PZP: variants seen among roughly 807,000 people sequenced by gnomAD.
PZP encodes the protein PZP alpha-2-macroglobulin like, also known as pregnancy zone protein.
PZP carries 150 observed loss-of-function variants against 179.8 expected under a neutral mutation model. The observed-to-expected ratio is 0.83, with a 90% CI of 0.73 to 0.96. PZP has a LOEUF of 0.96. PZP is among the 40% of genes least tolerant of loss of function. The pLI is 0.00. For synonymous variants in PZP, 624 were observed against 652.3 expected (o/e 0.96, Z 0.66); for missense variants, 1,689 against 1,764.0 (o/e 0.96, Z 0.76).
At chr12:9,186,395 C>T (rs546617853) in intron 13 of PZP, among the ~76,000 whole-genome samples, 32 of 152,114 alleles carry the variant, frequency 2.1e-4, no homozygotes, top group Non-Finnish European at 2.8e-4. Context: ...TTCAAATTCA[C>T]GCATCTCAAT....
At chr12:9,208,144 A>G (rs1944534223) in intron 1 of PZP, 115 bp downstream of exon 1, 2 of 696,048 alleles carry the variant, frequency 2.9e-6, no homozygotes, top group Non-Finnish European at 2.5e-6. Flanking sequence ...AATTTCTTAT[A>G]TTTGGAAGGT....
intron 22 of PZP, chr12:9,162,140 T>G (rs1941251497): frequency 6.5e-6 from 1 of 153,744 alleles, no homozygotes. Flanking sequence ...TTTTGTTTTT[T>G]TCGTAGAGAC....
intron 1 of PZP, 111 bp downstream of exon 1, chr12:9,208,148 G>C (rs1944534404): frequency 4.2e-6 from 3 of 707,184 alleles, no homozygotes; most frequent in Admixed American, 4.8e-5. Flanking sequence ...TCTTATATTT[G>C]GAAGGTATTG....
rs1219343540 is a variant in PZP, at chr12:9,170,800, G to T, written c.1840-1209C>A. On this transcript the variant is annotated intron_variant, in intron 15 of 35. Transcript: ENST00000261336. The surrounding 1 kb of genome is among the most constrained non-coding windows in gnomAD (Gnocchi z 4.6). ...TCATCGAGTGGGACCTTTCTGTGGG[G>T]GCTTCAGGTACTCCAGCCAGGGTTC... Among the ~76,000 whole-genome samples, 2 of 152,156 alleles carry T rather than the reference G, an allele frequency of 1.3e-5. No individual in the cohort carries two copies. Among genetic ancestry groups the T allele is most frequent in the African/African-American group, 2.4e-5 (1 of 41,430 alleles).
chr12:9,152,554 G>A lies in PZP; in HGVS notation c.4122-244C>T, dbSNP rs766155968. Among the ~76,000 whole-genome samples the A allele has an allele frequency of 3.9e-5, 6 of 152,230 alleles. No homozygotes were observed. In the South Asian group the frequency reaches 1.0e-3, roughly 26 times the overall value. On this transcript the variant is annotated intron_variant, in intron 31 of 35. Transcript: ENST00000261336. ...CAAAACTATCAAATCAAAATCTTTG[G>A]TAGTGAATCTTGCTAATTGGCATTT...
chr12:9,197,527 TATTA>T (rs1188742625), intron 7 of PZP, among the ~76,000 whole-genome samples: 7 of 125,226 alleles, frequency 5.6e-5, no homozygotes, highest in East Asian at 2.1e-4. Context: ...TGAAAATAAT[TATTA>T]ATTATTAGAG....
intron 34 of PZP, among the ~76,000 whole-genome samples, chr12:9,150,313 C>T (rs147967662): frequency 8.0e-4 from 122 of 152,140 alleles, no homozygotes; most frequent in African/African-American, 2.7e-3. Flanking sequence ...GACGGAGTCT[C>T]GCACCGTCAC....
chr12:9,190,118 T>C (rs1015772338), intron 13 of PZP, among the ~76,000 whole-genome samples: 4 of 152,088 alleles, frequency 2.6e-5, no homozygotes, highest in Admixed American at 6.5e-5. Flanking sequence ...GAACTATCAT[T>C]TGACCCAAGA....
In PZP at chr12:9,157,307, C is replaced by T; in HGVS notation, c.3418G>A (p.Val1140Ile). 6.2e-7 allele frequency: 1 copy of T among 1,614,086 alleles called. No homozygotes were observed. The highest frequency in any genetic ancestry group is 8.5e-7 in the Non-Finnish European group (1 of 1,179,974). Residue 1140 changes from valine (V) to isoleucine (I), a missense_variant, in exon 28 of 36, where the codon GTA becomes ATA. Coordinates refer to ENST00000261336, the MANE Select transcript of PZP (RefSeq NM_002864.3). ...ALFCLESAWN[V>I]AKEGTHGSHV... ...CTCCCATGGGTCCCCTCCTTTGCTA[C>T]ATTCCAGGCTGACTCCAGGCAGAAC... is the stretch of plus-strand genomic sequence containing the variant.
At chr12:9,157,716 C>T in intron 27 of PZP, 51 bp downstream of exon 27, 1 of 1,535,112 alleles carries the variant, frequency 6.5e-7, no homozygotes, top group Non-Finnish European at 9.0e-7. Flanking sequence ...GCATTCCAGA[C>T]AGCAAATCTA....
chr12:9,147,847 T>G (rs560191975), downstream of PZP, among the ~76,000 whole-genome samples: 43 of 152,322 alleles, frequency 2.8e-4, 2 homozygotes, highest in African/African-American at 9.6e-4. Flanking sequence ...AATGTTGCCT[T>G]TATGTATGAA....
rs930396582 is a variant in PZP at position 9,170,920 on chromosome 12, C to T, written c.1840-1329G>A. Among the ~76,000 whole-genome samples the T allele has an allele frequency of 2.6e-5, 4 of 152,206 alleles. No homozygotes were observed. The highest frequency in any genetic ancestry group is 5.9e-5 in the Non-Finnish European group (4 of 68,038). On this transcript the variant is annotated intron_variant, in intron 15 of 35. Transcript: ENST00000261336. This position sits in a 1 kb window ranked among gnomAD's most constrained non-coding sequence, Gnocchi z 4.6. ...GTTTGGTTGACTCTGCCACTCCAAC[C>T]TGCTGGCTTTGGAGAATACAGGTGA...
chr12:9,177,011 G>A (rs1255065781), intron 15 of PZP, among the ~76,000 whole-genome samples: 2 of 152,170 alleles, frequency 1.3e-5, no homozygotes, highest in African/African-American at 4.8e-5. Flanking sequence ...TTTTACATGT[G>A]AGAGCTCATG....
At chr12:9,152,069 C>A (rs1174325823) in intron 32 of PZP, 151 bp downstream of exon 32, 2 of 664,388 alleles carry the variant, frequency 3.0e-6, no homozygotes, top group East Asian at 2.7e-5. Context: ...AGCTTACGGC[C>A]AACTAAATAG....
At position 9,164,189 on chromosome 12, in the gene PZP, C is replaced by G; in HGVS notation, c.2558G>C (p.Cys853Ser). ...GGTTTGTCTCTCATTTCCACAGATA[C>G]AATAGGATTCTTCTCCCTTTGTATT... ...SQNTKGEESYCICGNERQTLS... is the reference protein window; with the variant it reads ...SQNTKGEESYSICGNERQTLS... Residue 853 changes from cysteine to serine, a missense_variant, in exon 20 of 36, where the codon TGT becomes TCT. Cys to Ser is a moderately radical substitution (Grantham distance 112). Coordinates refer to ENST00000261336, the MANE Select transcript of PZP (RefSeq NM_002864.3). 1 of 1,610,086 alleles carries G rather than the reference C, an allele frequency of 6.2e-7. No individual in the cohort carries two copies. Among genetic ancestry groups the G allele is most frequent in the Non-Finnish European group, 8.5e-7 (1 of 1,176,356 alleles).
At chr12:9,137,600 A>G in the PZP span, among the ~76,000 whole-genome samples, 59 of 152,164 alleles carry the variant, frequency 3.9e-4, 2 homozygotes, top group African/African-American at 1.3e-3. Context: ...CATTGAATCT[A>G]TAGATTGCTT....
At chr12:9,147,082 G>T (rs1940048725), downstream of PZP, among the ~76,000 whole-genome samples, 1 of 152,166 alleles carries the variant, frequency 6.6e-6, no homozygotes, top group African/African-American at 2.4e-5. Flanking sequence ...GACTGGCAAG[G>T]CAGATGTCAG....
downstream of PZP, among the ~76,000 whole-genome samples, chr12:9,148,445 C>T (rs1008441628): frequency 4.0e-5 from 6 of 150,560 alleles, no homozygotes; most frequent in Non-Finnish European, 5.9e-5. Flanking sequence ...TTATCTAAAT[C>T]CTTCACTCTC....
chr12:9,162,842 G>T (rs1351368637), intron 21 of PZP, among the ~76,000 whole-genome samples, 194 bp from the exon 22 acceptor site: 1 of 152,112 alleles, frequency 6.6e-6, no homozygotes, highest in Non-Finnish European at 1.5e-5. Context: ...GTAAATGTGT[G>T]CCATGGTGGT....
Sources: gnomAD v4.1 joint callset for allele counts (sites outside exome capture counted in the v4.1 genomes callset) on GRCh38, gnomAD v4.1.1 for gene constraint, Gnocchi (gnomAD v3.1) non-coding constraint, MANE v1.5 for transcripts, NCBI Gene and HGNC (gene_info 2026-07-23, HGNC 2026-07-21) for gene names.